ITGB7: variants seen among roughly 807,000 people sequenced by gnomAD.
ITGB7 encodes integrin subunit beta 7.
ITGB7 carries 55 observed loss-of-function variants against 83.4 expected under a neutral mutation model. The observed-to-expected ratio is 0.66, with a 90% CI of 0.53 to 0.83. The LOEUF is 0.83. Among genes scored for constraint, ITGB7 ranks in the 40% least tolerant of loss-of-function variants. The probability of loss-of-function intolerance (pLI) is 0.00; values close to 1 mark genes in which losing one functional copy is unlikely to be tolerated. For missense variants in ITGB7, 921 were observed against 1,046.7 expected (o/e 0.88, Z 1.66); for synonymous variants, 454 against 423.6 (o/e 1.07, Z -0.88).
intron 1 of ITGB7, among the ~76,000 whole-genome samples, chr12:53,206,222 AT>A (rs1240728408): frequency 6.6e-6 from 1 of 151,812 alleles, no homozygotes; most frequent in Non-Finnish European, 1.5e-5. Context: ...CAAAACTTCT[AT>A]TGCATCTCTC....
Position 53,192,006 on chromosome 12 carries a change from G to A in ITGB7, c.2169C>T (p.His723=), listed in dbSNP as rs776486274. The stretch of plus-strand genomic sequence containing the variant: ...CGCAGCCCAGCACAATGGCCTGCGT[G>A]TGGTCTGCTCCCTCTGTGAACAAGA... ...RVRPQEKGAD[H]TQAIVLGCVG... Residue 723 remains histidine (H), a synonymous_variant, in exon 15 of 16, where the codon CAC becomes CAT. Transcript: ENST00000267082. The A allele has an allele frequency of 6.2e-7, 1 of 1,612,964 alleles. No individual in the cohort carries two copies. The highest frequency in any genetic ancestry group is 1.1e-5 in the South Asian group (1 of 91,066).
At chr12:53,205,184 T>G (rs767142311) in intron 1 of ITGB7, among the ~76,000 whole-genome samples, 5 of 151,982 alleles carry the variant, frequency 3.3e-5, no homozygotes, top group African/African-American at 9.7e-5. Flanking sequence ...ATGTATGTAT[T>G]TATTTATTTA....
chr12:53,199,154 C>T (rs777805193), intron 3 of ITGB7, among the ~76,000 whole-genome samples: 3 of 152,178 alleles, frequency 2.0e-5, no homozygotes, highest in African/African-American at 4.8e-5. Context: ...CATCTCTTAT[C>T]TGGGCTCCCA....
Position 53,191,859 on chromosome 12 carries a change from C to T in ITGB7, c.2316G>A (p.Gln772=). The part of the protein sequence containing the change: ...EKEQQQLNWK[Q]DSNPLYKSAI... ...GGGCCTAACCAGGAAGTCTCCTCACCTGCTTCCAGTTGAGTTGTTGCTGCT... is the reference window on the plus strand; with the variant it reads ...GGGCCTAACCAGGAAGTCTCCTCACTTGCTTCCAGTTGAGTTGTTGCTGCT... Residue 772 remains glutamine, a splice_region_variant and synonymous_variant, in exon 15 of 16, where the codon CAG becomes CAA. Transcript: ENST00000267082. The T allele has an allele frequency of 6.2e-7, 1 of 1,613,628 alleles. No homozygotes were observed. Among genetic ancestry groups the T allele is most frequent in the East Asian group, 2.2e-5 (1 of 44,864 alleles).
chr12:53,194,220 T>C lies in ITGB7; in HGVS notation c.1286A>G (p.Asn429Ser). 1 of 1,614,086 alleles carries C rather than the reference T, an allele frequency of 6.2e-7. No homozygotes were observed. Residue 429 changes from asparagine (N) to serine (S), a missense_variant, in exon 10 of 16, where the codon AAC becomes AGC. Transcript: ENST00000267082. ...EGKAEDRGQC[N>S]HVRINQTVTF... ...CACCGTCTGGTTGATTCGGACGTGGTTGCACTGTCCTCGATCCTCAGCCTT... is the reference window on the plus strand; with the variant it reads ...CACCGTCTGGTTGATTCGGACGTGGCTGCACTGTCCTCGATCCTCAGCCTT...
At chr12:53,199,878 G>A (rs1458416908) in intron 3 of ITGB7, among the ~76,000 whole-genome samples, 1 of 152,128 alleles carries the variant, frequency 6.6e-6, no homozygotes, top group East Asian at 1.9e-4. Context: ...AGCCCGCACT[G>A]GGTAGTACCT....
At chr12:53,205,875 G>A (rs945161013) in intron 1 of ITGB7, among the ~76,000 whole-genome samples, 1 of 152,072 alleles carries the variant, frequency 6.6e-6, no homozygotes, top group Non-Finnish European at 1.5e-5. Context: ...CATATATAAC[G>A]GAGCCTCCAC....
Position 53,192,911 on chromosome 12 carries a change from C to T in ITGB7, c.1727-1G>A. 1 of 1,613,828 alleles carries T rather than the reference C, an allele frequency of 6.2e-7. No individual in the cohort carries two copies. The highest frequency in any genetic ancestry group is 8.5e-7 in the Non-Finnish European group (1 of 1,179,822). On this transcript the variant is annotated splice_acceptor_variant, in intron 12 of 15. Coordinates refer to ENST00000267082, the MANE Select transcript of ITGB7 (RefSeq NM_000889.3). LOFTEE classifies it high-confidence loss of function. ...ACTCCACATTGGCAGCGACCAAAGC[C>T]TGGGGTAGAGCCATGCAGAGGGTGA...
At chr12:53,206,663 C>T (rs1250809961) in intron 1 of ITGB7, 2 of 152,390 alleles carry the variant, frequency 1.3e-5, no homozygotes, top group African/African-American at 4.8e-5. Flanking sequence ...CTCTTCCAAA[C>T]CCATCCCTAC....
At chr12:53,195,235 G>A (rs1942116773) in intron 9 of ITGB7, 139 bp downstream of exon 9, 1 of 653,552 alleles carries the variant, frequency 1.5e-6, no homozygotes, top group Admixed American at 2.5e-5. Context: ...ACAGCCACAT[G>A]CAGACTATAG....
chr12:53,192,887 C>G lies in ITGB7; in HGVS notation c.1750G>C (p.Val584Leu), dbSNP rs549859021. The G allele has an allele frequency of 3.1e-6, 5 of 1,614,174 alleles. No homozygotes were observed. The highest frequency in any genetic ancestry group is 3.3e-5 in the Admixed American group (2 of 60,026). Reference protein sequence around the residue: ...CGGFGRCQCGVCHCHANRTGR... With the variant: ...CGGFGRCQCGLCHCHANRTGR... ...GTGCGGTTGGCATGACAGTGACATACTCCACATTGGCAGCGACCAAAGCCT... is the reference window on the plus strand; with the variant it reads ...GTGCGGTTGGCATGACAGTGACATAGTCCACATTGGCAGCGACCAAAGCCT... Residue 584 changes from valine (V) to leucine (L), a missense_variant, in exon 13 of 16, where the codon GTA (valine) becomes CTA (leucine). Transcript: ENST00000267082.
At chr12:53,193,580 GA>G (rs1942046973) in intron 11 of ITGB7, 127 bp downstream of exon 11, 5 of 891,800 alleles carry the variant, frequency 5.6e-6, no homozygotes, top group Admixed American at 5.8e-5. Context: ...TTCAAGGGAT[GA>G]AACTGAGTGG....
At chr12:53,193,620 G>A (rs61761309) in intron 11 of ITGB7, 88 bp downstream of exon 11, 30 of 1,164,618 alleles carry the variant, frequency 2.6e-5, no homozygotes, top group African/African-American at 1.1e-4. Flanking sequence ...AGACTCCTGT[G>A]GGGGGGATGG....
At chr12:53,195,098 A>G in intron 9 of ITGB7, 1 of 482,096 alleles carries the variant, frequency 2.1e-6, no homozygotes, top group Non-Finnish European at 3.8e-6. Context: ...ATGTACACCT[A>G]GGATGGTGGG....
rs748099499 is a variant in ITGB7, at chr12:53,195,430, C to T, written c.1105G>A (p.Gly369Arg). Residue 369 changes from glycine (G) to arginine (R), a missense_variant, in exon 9 of 16, where the codon GGG (glycine) becomes AGG (arginine). Physicochemically the swap from Gly to Arg is moderately radical, Grantham distance 125 (BLOSUM62 -2). Coordinates refer to ENST00000267082, the MANE Select transcript of ITGB7 (RefSeq NM_000889.3). ...LSKLIPKSAV[G>R]ELSEDSSNVV... ...TTGCTGGAGTCCTCACTCAGCTCCC[C>T]AACTGCAGACTTAGGAATCAGTTTA... The T allele has an allele frequency of 3.7e-6, 6 of 1,613,918 alleles. No homozygotes were observed. The South Asian group carries it at 6.6e-5, about 18-fold the overall frequency.
intron 1 of ITGB7, among the ~76,000 whole-genome samples, chr12:53,206,023 G>A (rs906696606): frequency 2.4e-4 from 36 of 152,110 alleles, no homozygotes; most frequent in Non-Finnish European, 2.6e-4. Flanking sequence ...GTGGAGCCCC[G>A]GCTGCCGCAT....
chr12:53,199,301 C>G (rs1211145951), intron 3 of ITGB7, among the ~76,000 whole-genome samples: 3 of 152,090 alleles, frequency 2.0e-5, no homozygotes, highest in South Asian at 4.1e-4. Flanking sequence ...TTTGAAGAGC[C>G]AGGGAGACAC....
At position 53,191,924 on chromosome 12, in the gene ITGB7, C is replaced by T. The variant is rs1026954939; in HGVS notation, c.2251G>A (p.Glu751Lys). 3.1e-6 allele frequency: 5 copies of T among 1,611,006 alleles called. No homozygotes were observed. The African/African-American group carries it at 6.7e-5, about 22-fold the overall frequency. The change falls in exon 15 of 16, where the codon GAA (glutamate) becomes AAA (lysine). Residue 751 changes from glutamate (E) to lysine (K), a missense_variant. Physicochemically the swap from Glu to Lys is moderately conservative, Grantham distance 56. Transcript: ENST00000267082. ...GLVLAYRLSVEIYDRREYSRF... is the reference protein window; with the variant it reads ...GLVLAYRLSVKIYDRREYSRF... ...CTGTATTCCCGGCGGTCATAGATTT[C>T]CACCGAGAGCCGGTAAGCCAGGACC...
At chr12:53,197,689 A>T in intron 4 of ITGB7, 26 bp from the exon 5 acceptor site, 1 of 1,609,640 alleles carries the variant, frequency 6.2e-7, no homozygotes, top group Non-Finnish European at 8.5e-7. Flanking sequence ...CGGGCGGGTC[A>T]GCAGAGCGCA....
Sources: allele counts gnomAD v4.1 joint callset (sites outside exome capture counted in the v4.1 genomes callset), GRCh38; gene constraint gnomAD v4.1.1; transcripts MANE v1.5; gene names NCBI Gene and HGNC (gene_info 2026-07-23, HGNC 2026-07-21).